HBP1: variants seen among roughly 807,000 people sequenced by gnomAD.
The protein encoded by HBP1 is HMG box-containing protein 1.
HBP1 carries 20 observed loss-of-function variants against 62.6 expected under a neutral mutation model. The observed-to-expected ratio is 0.32, with a 90% CI of 0.22 to 0.46. The LOEUF is 0.46. HBP1 is among the 20% of genes least tolerant of loss of function. HBP1 has a pLI of 1.00. For synonymous variants in HBP1, 232 were observed against 206.2 expected, an observed-to-expected ratio of 1.12 and a Z score of -1.07; for missense variants, 480 against 611.8, an observed-to-expected ratio of 0.78 and a Z score of 2.27.
chr7:107,176,872 A>G (rs1262157955), intron 1 of HBP1, among the ~76,000 whole-genome samples: 3 of 152,166 alleles, frequency 2.0e-5, no homozygotes, highest in African/African-American at 7.2e-5. Context: ...TGATCAGTAC[A>G]TTGTACTAAA....
chr7:107,171,604 C>T (rs868698275), intron 1 of HBP1, among the ~76,000 whole-genome samples: 1 of 152,090 alleles, frequency 6.6e-6, no homozygotes, highest in African/African-American at 2.4e-5. Context: ...CGGTGTCTCA[C>T]GCCTGTCCCA....
chr7:107,171,041 G>T (rs1361972367), intron 1 of HBP1, among the ~76,000 whole-genome samples: 5 of 98,136 alleles, frequency 5.1e-5, no homozygotes, highest in Admixed American at 1.1e-4. Context: ...ACATATACAT[G>T]TATAAATATA....
chr7:107,184,132 A>G (rs1797242521), intron 3 of HBP1, among the ~76,000 whole-genome samples: 1 of 152,186 alleles, frequency 6.6e-6, no homozygotes, highest in South Asian at 2.1e-4. Flanking sequence ...AAATGGTTAA[A>G]CAGAAGAACT....
At chr7:107,194,725 G>T (rs1286692953) in intron 8 of HBP1, among the ~76,000 whole-genome samples, 1 of 152,130 alleles carries the variant, frequency 6.6e-6, no homozygotes, top group Non-Finnish European at 1.5e-5. Context: ...TCTGTTTCAG[G>T]GAAGGAAGTA....
chr7:107,173,860 TG>T (rs771283044), intron 1 of HBP1, among the ~76,000 whole-genome samples: 1 of 152,202 alleles, frequency 6.6e-6, no homozygotes, highest in East Asian at 1.9e-4. Context: ...CAAGCTGTGT[TG>T]AATCTGATAC....
At chr7:107,169,785 G>T (rs1022878208) in intron 1 of HBP1, 4 of 985,072 alleles carry the variant, frequency 4.1e-6, no homozygotes, top group South Asian at 4.7e-5. Context: ...AAACAAGCCC[G>T]GAGTCCGGGC....
rs1464048903 is a variant in HBP1, at chr7:107,174,460, G to A, written c.-16+5275G>A. 11 of 984,838 alleles carry A rather than the reference G, an allele frequency of 1.1e-5. No homozygotes were observed. The African/African-American group carries it at 1.2e-4, about 11-fold the overall frequency. The allele number at this position is 984,838 out of a possible 1,614,324, so 61.0% of individuals were successfully genotyped here. On this transcript the variant is annotated intron_variant, in intron 1 of 10. Transcript: ENST00000222574. ...AACTTCATTTAAGGAGTTTTGGGAT[G>A]GTGGTTGATAACTAAGACAAAGTGC...
chr7:107,181,816 G>A lies in HBP1; in HGVS notation c.170-557G>A, dbSNP rs1279010379. On this transcript the variant is annotated intron_variant, in intron 2 of 10. Coordinates refer to ENST00000222574, the MANE Select transcript of HBP1 (RefSeq NM_012257.4). Reference sequence around the variant, plus strand: ...TCCTTATAGTGCTTGGTGTGTGCATGAGTGGTAGCTGGGTAATAGTTCCAG... The same window carrying A: ...TCCTTATAGTGCTTGGTGTGTGCATAAGTGGTAGCTGGGTAATAGTTCCAG... 2.0e-5 allele frequency among the ~76,000 whole-genome samples: 3 copies of A among 151,912 alleles called. No individual in the cohort carries two copies. The East Asian group carries it at 5.8e-4, about 29-fold the overall frequency.
At chr7:107,170,870 C>CGTCT (rs985074751) in intron 1 of HBP1, among the ~76,000 whole-genome samples, 2 of 150,190 alleles carry the variant, frequency 1.3e-5, no homozygotes, top group Non-Finnish European at 3.0e-5. Flanking sequence ...ACCTCTCAGA[C>CGTCT]GTCAAACATG....
rs1206698815 is a variant in HBP1 at position 107,185,855 on chromosome 7, C to G, written c.453C>G (p.Arg151=). The change falls in exon 4 of 11, where the codon CGC becomes CGG. Residue 151 remains arginine, a synonymous_variant. Coordinates refer to ENST00000222574, the MANE Select transcript of HBP1 (RefSeq NM_012257.4). ...GCAAAAGTTTACATTCCTATGCACG[C>G]CCTCCACCAGTGTCCTCTTCTTCGA... ...ATSKSLHSYA[R]PPPVSSSSKS... The G allele has an allele frequency of 6.2e-7, 1 of 1,612,400 alleles. No homozygotes were observed.
rs902392949 is a variant in HBP1, at chr7:107,186,010, C to T, written c.540+68C>T. 3.4e-6 allele frequency: 4 copies of T among 1,165,266 alleles called. No individual in the cohort carries two copies. In the African/African-American group the frequency reaches 4.5e-5, roughly 13 times the overall value. The allele number at this position is 1,165,266 out of a possible 1,614,324, so 72.2% of individuals were successfully genotyped here. ...ACAGTTGAAGTACATTAACATTCCT[C>T]ATAGGAAGTAGTCTCACTGTTCTGT... On this transcript the variant is annotated intron_variant, in intron 4 of 10. Transcript: ENST00000222574.
At chr7:107,169,944 T>C (rs1796475757) in intron 1 of HBP1, 12 of 985,518 alleles carry the variant, frequency 1.2e-5, no homozygotes, top group Non-Finnish European at 1.4e-5. Context: ...TTTCAACCTA[T>C]GCTGCCACCG....
In HBP1 at chr7:107,190,312, T is replaced by C. The variant is rs145053735; in HGVS notation, c.1062T>C (p.Phe354=). The change falls in exon 8 of 11, where the codon TTT becomes TTC. Residue 354 remains phenylalanine, a synonymous_variant. Coordinates refer to ENST00000222574, the MANE Select transcript of HBP1 (RefSeq NM_012257.4). The part of the protein sequence containing the change: ...NFDDSGVFDT[F]KSYDFTPMDS... ...ATGATTCAGGTGTTTTTGATACATT[T>C]AAAAGGTAATATTGGATTAATTCTT... The C allele has an allele frequency of 2.5e-6, 4 of 1,602,502 alleles. No homozygotes were observed. The African/African-American group carries it at 5.4e-5, about 22-fold the overall frequency.
intron 6 of HBP1, 99 bp downstream of exon 6, chr7:107,186,780 A>G (rs1369045878): frequency 4.2e-6 from 3 of 713,930 alleles, no homozygotes; most frequent in Non-Finnish European, 7.3e-6. Context: ...TTTGATATTT[A>G]AATGACATCG....
Position 107,169,128 on chromosome 7 carries a change from T to C in HBP1, c.-73T>C, listed in dbSNP as rs1292279061. 7 of 1,239,406 alleles carry C rather than the reference T, an allele frequency of 5.6e-6. No homozygotes were observed. The highest frequency in any genetic ancestry group is 7.3e-6 in the Non-Finnish European group (7 of 965,376). The allele number at this position is 1,239,406 out of a possible 1,614,324, so 76.8% of individuals were successfully genotyped here. A position where few individuals can be genotyped will look rare whatever the true frequency, so the allele number is the denominator to read the frequency against. On this transcript the variant is annotated 5_prime_UTR_variant, in exon 1 of 11. Transcript: ENST00000222574. ...GTCGGAGAGGGGGTACGAGAGCTGC[T>C]GGTGGTGTTGTCGTGGCCGGAGCGG...
intron 8 of HBP1, chr7:107,192,962 A>T (rs1797724571): frequency 1.3e-5 from 2 of 152,288 alleles, no homozygotes; most frequent in South Asian, 4.1e-4. Flanking sequence ...AAGAAGAGGA[A>T]AAAGTCCAAG....
In HBP1 at chr7:107,196,116, T is replaced by G; in HGVS notation, c.1350T>G (p.Val450=). The G allele has an allele frequency of 1.2e-6, 2 of 1,609,214 alleles. No individual in the cohort carries two copies. Among genetic ancestry groups the G allele is most frequent in the Non-Finnish European group, 1.7e-6 (2 of 1,175,552 alleles). The change falls in exon 9 of 11, where the codon GTT becomes GTG. Residue 450 remains valine, a synonymous_variant. Coordinates refer to ENST00000222574, the MANE Select transcript of HBP1 (RefSeq NM_012257.4). ...AFMLFAKKYR[V]EYTQMYPGKD... is the part of the protein sequence containing the mutation. ...TGCTTTTTGCCAAAAAATACAGAGT[T>G]GAATATACTCAGATGTATCCAGGGA... is the stretch of plus-strand genomic sequence containing the variant.
intron 1 of HBP1, among the ~76,000 whole-genome samples, chr7:107,171,200 G>T (rs1188440489): frequency 6.7e-6 from 1 of 149,852 alleles, no homozygotes; most frequent in Non-Finnish European, 1.5e-5. Flanking sequence ...CTCCTGAGTA[G>T]CTGGGACTAC....
intron 9 of HBP1, among the ~76,000 whole-genome samples, chr7:107,198,224 T>A (rs925814210): frequency 2.0e-5 from 3 of 152,168 alleles, no homozygotes; most frequent in Admixed American, 6.5e-5. Context: ...TTTTTTTTTT[T>A]ATGAGATGGA....
Sources: gnomAD v4.1 joint callset for allele counts (sites outside exome capture counted in the v4.1 genomes callset) on GRCh38, gnomAD v4.1.1 for gene constraint, MANE v1.5 for transcripts, NCBI Gene and HGNC (gene_info 2026-07-23, HGNC 2026-07-21) for gene names.